TMEM229B: variants seen among roughly 807,000 people sequenced by gnomAD.
TMEM229B encodes transmembrane protein 229B, also known as chromosome 14 open reading frame 83.
A neutral mutation model predicts 13.7 loss-of-function variants in TMEM229B; 6 were observed. That is an observed-to-expected ratio of 0.44 (90% CI 0.24 to 0.86). The LOEUF (loss-of-function observed/expected upper bound fraction) is 0.86. Among genes scored for constraint, TMEM229B ranks in the 40% least tolerant of loss-of-function variants. TMEM229B has a pLI of 0.23. For synonymous variants in TMEM229B, 107 were observed against 102.1 expected, an observed-to-expected ratio of 1.05 and a Z score of -0.29; for missense variants, 170 against 236.0, an observed-to-expected ratio of 0.72 and a Z score of 1.83.
chr14:67,502,930 AG>A (rs1417623913), intron 1 of TMEM229B, among the ~76,000 whole-genome samples: 1 of 152,180 alleles, frequency 6.6e-6, no homozygotes, highest in African/African-American at 2.4e-5. Context: ...CTTAAAAATT[AG>A]TGGAGACAAT....
At chr14:67,508,690 G>A (rs1334664855) in intron 1 of TMEM229B, among the ~76,000 whole-genome samples, 2 of 141,134 alleles carry the variant, frequency 1.4e-5, no homozygotes, top group Non-Finnish European at 3.0e-5. Flanking sequence ...AGGGATAGAG[G>A]CTTCATTGAG....
chr14:67,524,953 T>C (rs2033345207), intron 1 of TMEM229B, among the ~76,000 whole-genome samples: 1 of 152,210 alleles, frequency 6.6e-6, no homozygotes. Context: ...TGGGTGGTTA[T>C]GGGTGCACAC....
rs138994058 is a variant in TMEM229B at position 67,500,002 on chromosome 14, T to C, written c.-191-12830A>G. On this transcript the variant is annotated intron_variant, in intron 1 of 2. Transcript: ENST00000357461. ...TTAGGCCTGGCTCTACCATTGATAC[T>C]TGTAACTCCCAGTCATAGCTCCTCT... 1.9e-3 allele frequency among the ~76,000 whole-genome samples: 294 copies of C among 152,208 alleles called. 2 individuals carry two copies. The highest frequency in any genetic ancestry group is 6.8e-3 in the African/African-American group (281 of 41,524).
intron 1 of TMEM229B, among the ~76,000 whole-genome samples, chr14:67,513,310 T>C (rs1022485312): frequency 6.6e-6 from 1 of 152,170 alleles, no homozygotes; most frequent in Non-Finnish European, 1.5e-5. Flanking sequence ...GCCTGCCTGT[T>C]AGAATGGGAA....
intron 1 of TMEM229B, among the ~76,000 whole-genome samples, chr14:67,487,377 C>T (rs951878226): frequency 2.6e-5 from 4 of 152,172 alleles, no homozygotes; most frequent in Non-Finnish European, 2.9e-5. Flanking sequence ...CTGGGATGGT[C>T]CTGGACAATC....
At chr14:67,499,749 T>C (rs2032528324) in intron 1 of TMEM229B, among the ~76,000 whole-genome samples, 1 of 152,100 alleles carries the variant, frequency 6.6e-6, no homozygotes, top group East Asian at 1.9e-4. Flanking sequence ...TACTTATGGC[T>C]CAGACTCTGA....
At chr14:67,491,268 C>T (rs2032157143), upstream of TMEM229B, among the ~76,000 whole-genome samples, 1 of 152,212 alleles carries the variant, frequency 6.6e-6, no homozygotes, top group South Asian at 2.1e-4. Flanking sequence ...CCCACCAGCA[C>T]CGCCACATGT....
chr14:67,503,866 G>C (rs895745205), intron 1 of TMEM229B, among the ~76,000 whole-genome samples: 7 of 151,302 alleles, frequency 4.6e-5, no homozygotes, highest in African/African-American at 1.7e-4. Context: ...ACCATGCCTG[G>C]TTAATTTTTG....
intron 2 of TMEM229B, among the ~76,000 whole-genome samples, chr14:67,479,574 C>T (rs906336073): frequency 7.3e-5 from 11 of 149,786 alleles, no homozygotes; most frequent in Non-Finnish European, 7.4e-5. Flanking sequence ...AAAAATTAGC[C>T]GGGCATGGTG....
intron 1 of TMEM229B, among the ~76,000 whole-genome samples, chr14:67,524,884 G>A (rs768511528): frequency 7.2e-5 from 11 of 152,040 alleles, no homozygotes; most frequent in Admixed American, 4.6e-4. Flanking sequence ...ATCTCTCCCC[G>A]GTATCTTAAT....
chr14:67,512,284 T>G (rs1179897519), intron 1 of TMEM229B, among the ~76,000 whole-genome samples: 2 of 152,134 alleles, frequency 1.3e-5, no homozygotes, highest in East Asian at 1.9e-4. Flanking sequence ...CAGCTTACAC[T>G]TTACTTTTCA....
intron 1 of TMEM229B, among the ~76,000 whole-genome samples, chr14:67,496,203 A>T (rs1453971662): frequency 1.3e-5 from 2 of 151,988 alleles, no homozygotes; most frequent in Non-Finnish European, 2.9e-5. Context: ...TATTATTTTT[A>T]AAAATTTTGT....
intron 2 of TMEM229B, among the ~76,000 whole-genome samples, chr14:67,477,100 A>T (rs1168835468): frequency 6.6e-6 from 1 of 151,298 alleles, no homozygotes; most frequent in Non-Finnish European, 1.5e-5. Context: ...TGGGAGGTGG[A>T]GGTTGCAGTG....
chr14:67,522,241 A>T (rs573178679), intron 1 of TMEM229B, among the ~76,000 whole-genome samples: 1 of 152,302 alleles, frequency 6.6e-6, no homozygotes, highest in South Asian at 2.1e-4. Flanking sequence ...CATTCCACAC[A>T]TATCCCCGTA....
chr14:67,526,038 T>C (rs890034561), intron 1 of TMEM229B, among the ~76,000 whole-genome samples: 3 of 152,182 alleles, frequency 2.0e-5, no homozygotes, highest in Non-Finnish European at 4.4e-5. Flanking sequence ...TCACCAACCT[T>C]ATATATGAGA....
At chr14:67,509,987 G>C (rs1258709417) in intron 1 of TMEM229B, among the ~76,000 whole-genome samples, 1 of 151,714 alleles carries the variant, frequency 6.6e-6, no homozygotes, top group African/African-American at 2.4e-5. Flanking sequence ...TAAAGCCTGA[G>C]CAACAGAGAG....
chr14:67,511,013 A>G (rs2033006227), intron 1 of TMEM229B, among the ~76,000 whole-genome samples: 2 of 152,160 alleles, frequency 1.3e-5, no homozygotes, highest in African/African-American at 4.8e-5. Flanking sequence ...TGGCCCTTCA[A>G]TCTCCTTGGC....
chr14:67,528,242 GCTGGAATTTGAACT>G (rs2033396477), intron 1 of TMEM229B, among the ~76,000 whole-genome samples: 2 of 152,176 alleles, frequency 1.3e-5, no homozygotes, highest in Admixed American at 6.5e-5. Context: ...AGGTGCCAAA[GCTGGAATTTGAACT>G]CTGGAAGTTG....
intron 2 of TMEM229B, among the ~76,000 whole-genome samples, chr14:67,475,568 TG>T (rs1265156473): frequency 6.6e-6 from 1 of 152,240 alleles, no homozygotes; most frequent in Non-Finnish European, 1.5e-5. Flanking sequence ...TTTTCTGTTT[TG>T]TTTTTATAAT....
Sources: gnomAD v4.1 joint callset for allele counts (sites outside exome capture counted in the v4.1 genomes callset) on GRCh38, gnomAD v4.1.1 for gene constraint, MANE v1.5 for transcripts, NCBI Gene and HGNC (gene_info 2026-07-23, HGNC 2026-07-21) for gene names.